FYB2: variants seen among roughly 807,000 people sequenced by gnomAD.
FYB2 encodes FYN-binding protein 2.
In FYB2, 103 loss-of-function variants were observed where a neutral mutation model predicts 94.1. The observed-to-expected ratio is 1.09, with a 90% confidence interval of 0.93 to 1.29. The LOEUF is 1.29. Among genes scored for constraint, FYB2 ranks in the 50% most tolerant of loss-of-function variants. The probability of loss-of-function intolerance (pLI) is 0.00; values close to 1 mark genes in which losing one functional copy is unlikely to be tolerated. For missense variants in FYB2, 896 were observed against 841.5 expected (o/e 1.06, Z -0.80); for synonymous variants, 293 against 287.9 (o/e 1.02, Z -0.18).
intron 4 of FYB2, among the ~76,000 whole-genome samples, chr1:56,768,762 T>C (rs74778608): frequency 1.3e-5 from 2 of 152,116 alleles, no homozygotes; most frequent in Admixed American, 6.5e-5. Context: ...TGCAGTAAGA[T>C]AGTCAGAAGG....
intron 15 of FYB2, among the ~76,000 whole-genome samples, chr1:56,736,618 G>A (rs1163398357): frequency 6.6e-6 from 1 of 151,850 alleles, no homozygotes; most frequent in Non-Finnish European, 1.5e-5. Flanking sequence ...ATTTTGCCAT[G>A]TTTCTCAGGC....
Position 56,819,340 on chromosome 1 carries a change from T to C in FYB2, c.-50A>G. The C allele has an allele frequency of 1.9e-6, 3 of 1,613,240 alleles. No homozygotes were observed. The highest frequency in any genetic ancestry group is 2.5e-6 in the Non-Finnish European group (3 of 1,179,414). ...GGAAACAAGCCCAGCCTCTCAGAGCTGGGTCCTGGGGCCAACAATCCGCTT... is the reference window on the plus strand; with the variant it reads ...GGAAACAAGCCCAGCCTCTCAGAGCCGGGTCCTGGGGCCAACAATCCGCTT... On this transcript the variant is annotated 5_prime_UTR_variant, in exon 1 of 20. Transcript: ENST00000343433.
chr1:56,792,426 T>C lies in FYB2; in HGVS notation c.387A>G (p.Lys129=), dbSNP rs746007976. The C allele has an allele frequency of 8.1e-6, 13 of 1,614,190 alleles. No individual in the cohort carries two copies. The South Asian group carries it at 1.1e-4, about 14-fold the overall frequency. ...QSNVEIITKE[K]VMVANSFRNK... is the part of the protein sequence containing the mutation. ...TTCTGAAGCTATTGGCCACCATTAC[T>C]TTTTCCTTAGTGATTATCTCAACAT... The change falls in exon 2 of 20, where the codon AAA becomes AAG. Residue 129 remains lysine, a synonymous_variant. Coordinates refer to ENST00000343433, the MANE Select transcript of FYB2 (RefSeq NM_001004303.5).
chr1:56,763,777 T>C (rs997520756), intron 5 of FYB2, among the ~76,000 whole-genome samples: 5 of 152,236 alleles, frequency 3.3e-5, no homozygotes, highest in Admixed American at 1.3e-4. Flanking sequence ...TTTTCTCTAT[T>C]GTTTTTTGTT....
chr1:56,749,147 G>C (rs1168114123), intron 9 of FYB2, among the ~76,000 whole-genome samples: 1 of 147,822 alleles, frequency 6.8e-6, no homozygotes, highest in African/African-American at 2.5e-5. Flanking sequence ...TCTTCATTTT[G>C]CATGGCTAGG....
chr1:56,723,789 G>A (rs1379333946), intron 16 of FYB2, 108 bp from the exon 17 acceptor site: 1 of 646,486 alleles, frequency 1.5e-6, no homozygotes, highest in East Asian at 2.9e-5. Flanking sequence ...ATAATTTTTT[G>A]TGATCATAAT....
chr1:56,798,078 G>T (rs1646440577), intron 1 of FYB2, among the ~76,000 whole-genome samples: 1 of 152,202 alleles, frequency 6.6e-6, no homozygotes, highest in Admixed American at 6.5e-5. Flanking sequence ...TGGCAGAAGT[G>T]ACCCACGAAA....
At chr1:56,784,501 G>C (rs1646086376) in intron 4 of FYB2, among the ~76,000 whole-genome samples, 1 of 152,162 alleles carries the variant, frequency 6.6e-6, no homozygotes, top group South Asian at 2.1e-4. Context: ...TATAGTTAAA[G>C]CTATTGCACA....
intron 9 of FYB2, among the ~76,000 whole-genome samples, chr1:56,748,985 A>G (rs183482186): frequency 6.6e-6 from 1 of 150,462 alleles, no homozygotes; most frequent in African/African-American, 2.4e-5. Context: ...TTTCAGGTAG[A>G]TATTTAATCT....
chr1:56,826,029 T>A, the FYB2 span, among the ~76,000 whole-genome samples: 2 of 152,220 alleles, frequency 1.3e-5, no homozygotes, highest in Non-Finnish European at 2.9e-5. Context: ...TCAGTGAGCA[T>A]GCCTGCTAGG....
At position 56,720,203 on chromosome 1, in the gene FYB2, G is replaced by C; in HGVS notation, c.2101C>G (p.Leu701Val). 2 of 1,611,158 alleles carry C rather than the reference G, an allele frequency of 1.2e-6. No homozygotes were observed. The highest frequency in any genetic ancestry group is 2.2e-5 in the East Asian group (1 of 44,678). Reference sequence around the variant, plus strand: ...CCTTTAGAATTACGACATATCACTAGATTTTGTTCGGTGGTATCAATGACT... The same window carrying C: ...CCTTTAGAATTACGACATATCACTACATTTTGTTCGGTGGTATCAATGACT... ...LEVIDTTEQN[L>V]VICRNSKGKY... The change falls in exon 18 of 20, where the codon CTA (leucine) becomes GTA (valine). Residue 701 changes from leucine (L) to valine (V), a missense_variant. Transcript: ENST00000343433.
chr1:56,772,976 C>T (rs1162280451), intron 4 of FYB2, among the ~76,000 whole-genome samples: 1 of 152,112 alleles, frequency 6.6e-6, no homozygotes, highest in African/African-American at 2.4e-5. Flanking sequence ...CAGAAAACCT[C>T]CAGTTATTTA....
chr1:56,720,153 A>G lies in FYB2; in HGVS notation c.2131+20T>C. On this transcript the variant is annotated intron_variant, in intron 18 of 19. Transcript: ENST00000343433. ...TTTAAAAAGAATGAAATATTATGAA[A>G]GATAAGCAAATAAACTTACATTTGC... is the stretch of plus-strand genomic sequence containing the variant. 6.3e-7 allele frequency: 1 copy of G among 1,597,872 alleles called. No individual in the cohort carries two copies. The highest frequency in any genetic ancestry group is 2.2e-5 in the East Asian group (1 of 44,534).
chr1:56,753,955 C>G lies in FYB2; in HGVS notation c.1131-20G>C. 7.0e-7 allele frequency: 1 copy of G among 1,421,062 alleles called. No homozygotes were observed. The highest frequency in any genetic ancestry group is 9.4e-7 in the Non-Finnish European group (1 of 1,061,310). 88.0% of individuals were successfully genotyped at this position (1,421,062 alleles called of 1,614,324 possible). A position where few individuals can be genotyped will look rare whatever the true frequency, so the allele number is the denominator to read the frequency against. On this transcript the variant is annotated intron_variant, in intron 7 of 19. Transcript: ENST00000343433. ...TTAGCACTGAAATGTGAAGAGATAC[C>G]AGGAAAAAAATGAAGCTTAGAGTGT... is the stretch of plus-strand genomic sequence containing the variant.
At chr1:56,797,079 G>C (rs1646417895) in intron 1 of FYB2, among the ~76,000 whole-genome samples, 1 of 152,104 alleles carries the variant, frequency 6.6e-6, no homozygotes, top group Non-Finnish European at 1.5e-5. Flanking sequence ...ATGCAAACCT[G>C]GTTGCCAAGC....
chr1:56,810,922 C>G (rs1333446519), intron 1 of FYB2, among the ~76,000 whole-genome samples: 2 of 152,154 alleles, frequency 1.3e-5, no homozygotes, highest in African/African-American at 4.8e-5. Context: ...GTTTCTCTAT[C>G]ACTGTATTTA....
intron 9 of FYB2, among the ~76,000 whole-genome samples, chr1:56,750,473 A>T (rs748402481): frequency 1.3e-5 from 2 of 151,952 alleles, no homozygotes; most frequent in African/African-American, 2.4e-5. Context: ...GGATCCAACC[A>T]TGGCTAGACT....
intron 1 of FYB2, among the ~76,000 whole-genome samples, chr1:56,802,968 C>T (rs1646555549): frequency 6.6e-6 from 1 of 152,170 alleles, no homozygotes; most frequent in South Asian, 2.1e-4. Context: ...TATAAAATCT[C>T]TTCCATCCAT....
At chr1:56,776,488 T>C (rs189304463) in intron 4 of FYB2, among the ~76,000 whole-genome samples, 60 of 152,282 alleles carry the variant, frequency 3.9e-4, no homozygotes, top group Admixed American at 2.6e-3. Flanking sequence ...CAGACTCTTT[T>C]TTTTCCCATT....
Sources: allele counts gnomAD v4.1 joint callset (sites outside exome capture counted in the v4.1 genomes callset), GRCh38; gene constraint gnomAD v4.1.1; transcripts MANE v1.5; gene names NCBI Gene and HGNC (gene_info 2026-07-23, HGNC 2026-07-21).